Variants in SIPA1L3 observed in about 807,000 individuals in gnomAD.
The protein encoded by SIPA1L3 is signal induced proliferation associated 1 like 3.
A neutral mutation model predicts 150.1 loss-of-function variants in SIPA1L3; 59 were observed. The ratio of observed to expected loss-of-function variants is 0.39; its 90% CI spans 0.32 to 0.49. SIPA1L3 has a LOEUF of 0.49. Among genes scored for constraint, SIPA1L3 ranks in the 20% least tolerant of loss-of-function variants. The pLI, the probability that SIPA1L3 is intolerant of heterozygous loss-of-function variation, is 0.86. For missense variants in SIPA1L3, 2,211 were observed against 2,489.5 expected (o/e 0.89, Z 2.38); for synonymous variants, 1,070 against 1,077.6 (o/e 0.99, Z 0.14).
chr19:38,071,205 C>T (rs1021169136), intron 2 of SIPA1L3, among the ~76,000 whole-genome samples: 5 of 16,206 alleles, frequency 3.1e-4, no homozygotes, highest in Admixed American at 1.3e-3. Flanking sequence ...GTTGTTTTAT[C>T]TATCTATCTA....
intron 2 of SIPA1L3, among the ~76,000 whole-genome samples, chr19:38,030,623 A>AATACACATATATATATATATATAT (rs1250170240): frequency 2.3e-5 from 1 of 42,630 alleles, no homozygotes; most frequent in African/African-American, 5.9e-5. Flanking sequence ...ATATGTGGCA[A>AATACACATATATATATATATATAT]ATATATATAT....
At chr19:38,155,890 G>A (rs1450483647) in intron 13 of SIPA1L3, among the ~76,000 whole-genome samples, 2 of 152,120 alleles carry the variant, frequency 1.3e-5, no homozygotes, top group Admixed American at 1.3e-4. Context: ...AGACCAGCCT[G>A]GCCAACTTGG....
chr19:37,998,917 C>A (rs543642553), intron 1 of SIPA1L3, among the ~76,000 whole-genome samples: 43 of 152,034 alleles, frequency 2.8e-4, no homozygotes, highest in African/African-American at 9.4e-4. Flanking sequence ...CAAGGGAGTT[C>A]ATTGTACCTT....
intron 1 of SIPA1L3, among the ~76,000 whole-genome samples, chr19:38,023,275 A>C (rs1168528817): frequency 6.6e-6 from 1 of 152,362 alleles, no homozygotes; most frequent in East Asian, 1.9e-4. Context: ...CAGGGGGTAC[A>C]GGAAATGAGA....
chr19:37,996,446 G>T (rs1363729581), intron 1 of SIPA1L3, among the ~76,000 whole-genome samples: 2 of 152,064 alleles, frequency 1.3e-5, no homozygotes, highest in Non-Finnish European at 2.9e-5. Flanking sequence ...TGCTGTTTTG[G>T]TATGTGTGTA....
chr19:37,977,918 T>G (rs73036634), intron 1 of SIPA1L3, among the ~76,000 whole-genome samples: 1 of 152,000 alleles, frequency 6.6e-6, no homozygotes, highest in Non-Finnish European at 1.5e-5. Flanking sequence ...GTTTCCTCAA[T>G]GAATAAACAC....
intron 18 of SIPA1L3, among the ~76,000 whole-genome samples, chr19:38,195,263 T>C (rs978404502): frequency 6.6e-6 from 1 of 152,186 alleles, no homozygotes; most frequent in Non-Finnish European, 1.5e-5. Context: ...TCTGGGTCAC[T>C]CTTGTCCTTC....
intron 2 of SIPA1L3, among the ~76,000 whole-genome samples, chr19:38,050,697 C>A (rs1969175505): frequency 6.6e-6 from 1 of 152,164 alleles, no homozygotes; most frequent in Non-Finnish European, 1.5e-5. Flanking sequence ...TGGAGCTACT[C>A]CTTTCTTTCA....
intron 1 of SIPA1L3, among the ~76,000 whole-genome samples, chr19:37,915,087 T>G (rs944934915): frequency 5.3e-5 from 8 of 152,140 alleles, no homozygotes; most frequent in African/African-American, 1.9e-4. Context: ...GCAAAGCACT[T>G]TAGACTATAT....
At chr19:38,052,849 T>C (rs1230439247) in intron 2 of SIPA1L3, among the ~76,000 whole-genome samples, 1 of 152,094 alleles carries the variant, frequency 6.6e-6, no homozygotes. Flanking sequence ...CCTCCCACAC[T>C]CAGAGTGGAC....
intron 1 of SIPA1L3, among the ~76,000 whole-genome samples, chr19:37,984,543 C>T (rs1318904133): frequency 2.6e-5 from 4 of 152,174 alleles, no homozygotes; most frequent in Non-Finnish European, 5.9e-5. Flanking sequence ...TGGAAACTAG[C>T]AGACTAGGCT....
At chr19:38,139,280 G>A (rs999520536) in intron 10 of SIPA1L3, among the ~76,000 whole-genome samples, 1 of 152,172 alleles carries the variant, frequency 6.6e-6, no homozygotes, top group Non-Finnish European at 1.5e-5. Context: ...ATCGTGTCAG[G>A]GTGGGTGCTT....
At chr19:38,063,215 T>G (rs1236774013) in intron 2 of SIPA1L3, among the ~76,000 whole-genome samples, 2 of 148,826 alleles carry the variant, frequency 1.3e-5, no homozygotes, top group Non-Finnish European at 3.0e-5. Context: ...CCCTCCCCAC[T>G]CCAACCTGGA....
intron 19 of SIPA1L3, 34 bp from the exon 20 acceptor site, chr19:38,201,828 G>T (rs1294773258): frequency 6.4e-7 from 1 of 1,570,666 alleles, no homozygotes; most frequent in Non-Finnish European, 8.6e-7. Flanking sequence ...CGGGAGCCTT[G>T]CTGACCCCTC....
intron 1 of SIPA1L3, among the ~76,000 whole-genome samples, chr19:37,957,362 G>A (rs977867623): frequency 9.9e-5 from 15 of 152,130 alleles, no homozygotes; most frequent in African/African-American, 3.4e-4. Context: ...ATGTCAATAT[G>A]GTGAGAATTG....
At chr19:38,052,511 C>T (rs1016695156) in intron 2 of SIPA1L3, among the ~76,000 whole-genome samples, 1 of 152,240 alleles carries the variant, frequency 6.6e-6, no homozygotes. Flanking sequence ...TCTGCCACTG[C>T]CCCTGTTGGC....
At chr19:38,115,194 G>A (rs1970856223) in intron 8 of SIPA1L3, among the ~76,000 whole-genome samples, 1 of 152,182 alleles carries the variant, frequency 6.6e-6, no homozygotes, top group Admixed American at 6.5e-5. Context: ...CTGTGGCCCT[G>A]GGAGAGGGGC....
At chr19:38,196,463 G>A (rs1407210347) in intron 18 of SIPA1L3, among the ~76,000 whole-genome samples, 1 of 150,628 alleles carries the variant, frequency 6.6e-6, no homozygotes, top group African/African-American at 2.4e-5. Context: ...GGCGGAGTGT[G>A]GAGGTCAAGG....
At chr19:37,927,669 G>A (rs556860458) in intron 1 of SIPA1L3, among the ~76,000 whole-genome samples, 104 of 149,550 alleles carry the variant, frequency 7.0e-4, no homozygotes, top group African/African-American at 2.4e-3. Flanking sequence ...GTGTGTGTGT[G>A]TGTGTGTGTG....
Sources: gnomAD v4.1 joint callset for allele counts (sites outside exome capture counted in the v4.1 genomes callset) on GRCh38, gnomAD v4.1.1 for gene constraint, MANE v1.5 for transcripts, NCBI Gene and HGNC (gene_info 2026-07-23, HGNC 2026-07-21) for gene names.